Variants in PJA2 observed in about 807,000 individuals in gnomAD.
The protein encoded by PJA2 is E3 ubiquitin-protein ligase Praja-2.
In PJA2, 25 loss-of-function variants were observed where a neutral mutation model predicts 69.3. The ratio of observed to expected loss-of-function variants is 0.36; its 90% confidence interval spans 0.26 to 0.50. The LOEUF is 0.50. PJA2 is among the 20% of genes least tolerant of loss of function. The probability of loss-of-function intolerance (pLI) is 0.96; values close to 1 mark genes in which losing one functional copy is unlikely to be tolerated. For synonymous variants in PJA2, 308 were observed against 277.8 expected (o/e 1.11, Z -1.08); for missense variants, 809 against 830.2 (o/e 0.97, Z 0.31).
chr5:109,338,420 G>C (rs1298907112), intron 9 of PJA2, among the ~76,000 whole-genome samples: 1 of 152,018 alleles, frequency 6.6e-6, no homozygotes, highest in African/African-American at 2.4e-5. Context: ...TGGACAGATT[G>C]CCTGAGCTCA....
intron 1 of PJA2, among the ~76,000 whole-genome samples, chr5:109,405,301 G>A (rs1174837845): frequency 1.3e-5 from 2 of 152,146 alleles, no homozygotes; most frequent in African/African-American, 2.4e-5. Flanking sequence ...CATAAATGGA[G>A]ACAACCTGTA....
At chr5:109,408,535 C>T (rs993838326) in intron 1 of PJA2, among the ~76,000 whole-genome samples, 2 of 151,366 alleles carry the variant, frequency 1.3e-5, no homozygotes, top group African/African-American at 4.9e-5. Context: ...TATAGCCTCC[C>T]TCAAAAAAAA....
rs528364294 is a variant in PJA2, at chr5:109,384,155, T to G, written c.-87-635A>C. Among the ~76,000 whole-genome samples the G allele has an allele frequency of 2.0e-5, 3 of 152,292 alleles. No homozygotes were observed. In the South Asian group the frequency reaches 6.2e-4, roughly 32 times the overall value. ...TGACTCAGGTATGTAACCAAACTAT[T>G]TGGGAGTCTACTACACTGTGCTATC... On this transcript the variant is annotated intron_variant, in intron 1 of 9. Coordinates refer to ENST00000361189, the MANE Select transcript of PJA2 (RefSeq NM_014819.5).
chr5:109,383,274 A>C, intron 2 of PJA2, 129 bp downstream of exon 2: 1 of 660,592 alleles, frequency 1.5e-6, no homozygotes, highest in Non-Finnish European at 2.5e-6. Context: ...ACAAATATTC[A>C]ATATATGGAT....
chr5:109,345,068 C>A (rs766979823), intron 7 of PJA2, among the ~76,000 whole-genome samples: 3 of 150,566 alleles, frequency 2.0e-5, no homozygotes, highest in Non-Finnish European at 4.4e-5. Flanking sequence ...CTCGGCCGGG[C>A]GCAATGGCTC....
At chr5:109,359,647 A>AG (rs1418444667) in intron 6 of PJA2, among the ~76,000 whole-genome samples, 1 of 152,218 alleles carries the variant, frequency 6.6e-6, no homozygotes, top group Non-Finnish European at 1.5e-5. Flanking sequence ...TAAAAATGTC[A>AG]GGGTTATGAA....
chr5:109,349,011 T>C (rs1225878050), intron 7 of PJA2, among the ~76,000 whole-genome samples: 1 of 152,218 alleles, frequency 6.6e-6, no homozygotes, highest in Admixed American at 6.5e-5. Context: ...TTACTATGAA[T>C]GTGTGGAGTA....
chr5:109,346,312 G>C (rs1202341882), intron 7 of PJA2, among the ~76,000 whole-genome samples: 1 of 152,198 alleles, frequency 6.6e-6, no homozygotes, highest in Non-Finnish European at 1.5e-5. Context: ...CCTGGTTGGA[G>C]TGCAGAATAT....
chr5:109,339,836 AT>A (rs1170993364), intron 9 of PJA2, among the ~76,000 whole-genome samples: 1 of 152,242 alleles, frequency 6.6e-6, no homozygotes, highest in Non-Finnish European at 1.5e-5. Context: ...AGAGGTTGGT[AT>A]ATTGTACAGC....
chr5:109,354,764 ATAT>A (rs945719680), intron 7 of PJA2, among the ~76,000 whole-genome samples: 3 of 147,676 alleles, frequency 2.0e-5, no homozygotes, highest in Non-Finnish European at 4.5e-5. Flanking sequence ...ATATATAAAT[ATAT>A]TATTAAATAT....
intron 6 of PJA2, among the ~76,000 whole-genome samples, chr5:109,362,438 G>A (rs1762519527): frequency 2.0e-5 from 3 of 152,136 alleles, no homozygotes; most frequent in Admixed American, 1.3e-4. Context: ...GGAAGAATAG[G>A]GAAGGAGAAC....
At chr5:109,380,520 A>G (rs1262063587) in intron 3 of PJA2, among the ~76,000 whole-genome samples, 1 of 152,192 alleles carries the variant, frequency 6.6e-6, no homozygotes, top group East Asian at 1.9e-4. Flanking sequence ...TAAAAGAAGA[A>G]AAGTTGGCCG....
rs1243427331 is a variant in PJA2, at chr5:109,335,381, C to T, written c.*1850G>A. 2.6e-5 allele frequency: 4 copies of T among 152,622 alleles called. No individual in the cohort carries two copies. Among genetic ancestry groups the T allele is most frequent in the Non-Finnish European group, 5.9e-5 (4 of 68,032 alleles). 9.5% of individuals were successfully genotyped at this position (152,622 alleles called of 1,614,324 possible). A position where few individuals can be genotyped will look rare whatever the true frequency, so the allele number is the denominator to read the frequency against. The stretch of plus-strand genomic sequence containing the variant: ...TGAGTTTGGAACCAAAACCTCTTAA[C>T]AACTGGCAGATAATAGCTAAATCTT... On this transcript the variant is annotated 3_prime_UTR_variant, in exon 10 of 10. Coordinates refer to ENST00000361189, the MANE Select transcript of PJA2 (RefSeq NM_014819.5).
intron 8 of PJA2, 99 bp from the exon 9 acceptor site, chr5:109,344,410 G>C (rs1211798142): frequency 1.6e-6 from 2 of 1,273,502 alleles, no homozygotes; most frequent in Non-Finnish European, 2.1e-6. Context: ...TCTGAAAGAC[G>C]AAAGAGCCAG....
chr5:109,378,105 T>A lies in PJA2; in HGVS notation c.1283+99A>T. Reference sequence around the variant, plus strand: ...TATTTGGTAAGTCAAAATGTCTAATTCCCTGATCATATCAAATAGCCCAGC... The same window carrying A: ...TATTTGGTAAGTCAAAATGTCTAATACCCTGATCATATCAAATAGCCCAGC... On this transcript the variant is annotated intron_variant, in intron 4 of 9. Transcript: ENST00000361189. The A allele has an allele frequency of 1.6e-5, 13 of 820,660 alleles. No homozygotes were observed. In the South Asian group the frequency reaches 2.0e-4, roughly 12 times the overall value. The allele number at this position is 820,660 out of a possible 1,614,324, so 50.8% of individuals were successfully genotyped here.
At chr5:109,372,636 T>C (rs1423196621) in intron 4 of PJA2, among the ~76,000 whole-genome samples, 1 of 152,056 alleles carries the variant, frequency 6.6e-6, no homozygotes, top group African/African-American at 2.4e-5. Flanking sequence ...CCGGGTGCAG[T>C]GGCTCATGCC....
rs1761955308 is a variant in PJA2, at chr5:109,336,993, A to C, written c.*238T>G. On this transcript the variant is annotated 3_prime_UTR_variant, in exon 10 of 10. Transcript: ENST00000361189. ...AACTGATAAGCTTGGCTTTACAATT[A>C]ATACAAACATATTCAACTAAAGAAA... The C allele has an allele frequency of 2.1e-5, 5 of 233,550 alleles. No individual in the cohort carries two copies. Among genetic ancestry groups the C allele is most frequent in the Non-Finnish European group, 4.0e-5 (5 of 124,908 alleles). 14.5% of individuals were successfully genotyped at this position (233,550 alleles called of 1,614,324 possible). A position where few individuals can be genotyped will look rare whatever the true frequency, so the allele number is the denominator to read the frequency against.
In PJA2 at chr5:109,335,319, A is replaced by C. The variant is rs1457995640; in HGVS notation, c.*1912T>G. On this transcript the variant is annotated 3_prime_UTR_variant, in exon 10 of 10. Coordinates refer to ENST00000361189, the MANE Select transcript of PJA2 (RefSeq NM_014819.5). ...GTAACAGATGGAAAGCAAAAAGTACAACAGCTATCTTAAGTTCAGCTCTCA... is the reference window on the plus strand; with the variant it reads ...GTAACAGATGGAAAGCAAAAAGTACCACAGCTATCTTAAGTTCAGCTCTCA... 6.5e-6 allele frequency: 1 copy of C among 152,684 alleles called. No homozygotes were observed. The highest frequency in any genetic ancestry group is 1.5e-5 in the Non-Finnish European group (1 of 68,046). The allele number at this position is 152,684 out of a possible 1,614,324, so 9.5% of individuals were successfully genotyped here. A position where few individuals can be genotyped will look rare whatever the true frequency, so the allele number is the denominator to read the frequency against.
At chr5:109,349,266 G>T (rs1326301967) in intron 7 of PJA2, among the ~76,000 whole-genome samples, 1 of 152,232 alleles carries the variant, frequency 6.6e-6, no homozygotes, top group Non-Finnish European at 1.5e-5. Flanking sequence ...TGTCGGCTCT[G>T]TGAAAATCTG....
Sources: gnomAD v4.1 joint callset for allele counts (sites outside exome capture counted in the v4.1 genomes callset) on GRCh38, gnomAD v4.1.1 for gene constraint, MANE v1.5 for transcripts, NCBI Gene and HGNC (gene_info 2026-07-23, HGNC 2026-07-21) for gene names.